UBE2E2: variants seen among roughly 807,000 people sequenced by gnomAD.
The protein encoded by UBE2E2 is ubiquitin conjugating enzyme E2 E2.
UBE2E2 carries 6 observed loss-of-function variants against 24.7 expected under a neutral mutation model. That is an observed-to-expected ratio of 0.24 (90% CI 0.13 to 0.48). The LOEUF is 0.48. UBE2E2 is among the 20% of genes least tolerant of loss of function. The pLI is 0.99. For missense variants in UBE2E2, 169 were observed against 245.0 expected, an observed-to-expected ratio of 0.69 and a Z score of 2.07; for synonymous variants, 104 against 83.6, an observed-to-expected ratio of 1.24 and a Z score of -1.33.
At chr3:23,322,157 A>G (rs932169177) in intron 3 of UBE2E2, among the ~76,000 whole-genome samples, 3 of 152,224 alleles carry the variant, frequency 2.0e-5, no homozygotes, top group African/African-American at 2.4e-5. Flanking sequence ...TTAGTAAGTT[A>G]TATAACCAAA....
intron 3 of UBE2E2, among the ~76,000 whole-genome samples, chr3:23,298,571 T>C (rs1380002862): frequency 6.6e-6 from 1 of 151,978 alleles, no homozygotes; most frequent in Non-Finnish European, 1.5e-5. Flanking sequence ...TTTGGTTCTG[T>C]TTATATGCTG....
At chr3:23,332,604 G>GA (rs1463310207) in intron 3 of UBE2E2, among the ~76,000 whole-genome samples, 1 of 151,984 alleles carries the variant, frequency 6.6e-6, no homozygotes, top group African/African-American at 2.4e-5. Flanking sequence ...AATTGTGACA[G>GA]AAAACTGGGC....
chr3:23,238,466 A>C (rs1697175843), intron 3 of UBE2E2, among the ~76,000 whole-genome samples: 2 of 152,208 alleles, frequency 1.3e-5, no homozygotes, highest in Non-Finnish European at 2.9e-5. Context: ...CTGTGGTAGC[A>C]GTTAAAAGGA....
intron 5 of UBE2E2, among the ~76,000 whole-genome samples, chr3:23,577,876 G>A (rs1434854086): frequency 6.6e-6 from 1 of 152,070 alleles, no homozygotes; most frequent in Non-Finnish European, 1.5e-5. Flanking sequence ...AAAAATCCTA[G>A]GACCCTTAAA....
chr3:23,379,234 A>T (rs1184926587), intron 3 of UBE2E2, among the ~76,000 whole-genome samples: 1 of 122,024 alleles, frequency 8.2e-6, no homozygotes, highest in African/African-American at 3.0e-5. Context: ...GTATTTATTT[A>T]TTTTTTTATT....
chr3:23,489,715 C>T (rs542418090), intron 3 of UBE2E2, among the ~76,000 whole-genome samples: 1 of 152,288 alleles, frequency 6.6e-6, no homozygotes, highest in East Asian at 1.9e-4. Context: ...GCTGTGTGGC[C>T]TCCTTCCTAA....
intron 3 of UBE2E2, among the ~76,000 whole-genome samples, chr3:23,379,888 G>T (rs1362267566): frequency 1.3e-5 from 2 of 152,072 alleles, no homozygotes; most frequent in Non-Finnish European, 2.9e-5. Context: ...GAGTAATCCT[G>T]TGCAGTGGGA....
At chr3:23,364,912 G>C (rs557987516) in intron 3 of UBE2E2, among the ~76,000 whole-genome samples, 3 of 152,210 alleles carry the variant, frequency 2.0e-5, no homozygotes, top group South Asian at 2.1e-4. Flanking sequence ...ACATCAAAAA[G>C]TTAATCCACT....
At chr3:23,315,055 C>G (rs1344936389) in intron 3 of UBE2E2, among the ~76,000 whole-genome samples, 1 of 152,222 alleles carries the variant, frequency 6.6e-6, no homozygotes, top group Non-Finnish European at 1.5e-5. Context: ...CTACCTCTCT[C>G]TCTTTACCTC....
At chr3:23,370,615 T>C (rs1696376954) in intron 3 of UBE2E2, among the ~76,000 whole-genome samples, 1 of 152,208 alleles carries the variant, frequency 6.6e-6, no homozygotes, top group African/African-American at 2.4e-5. Context: ...GAAGAATGGA[T>C]GAATGTTATC....
chr3:23,344,654 A>C (rs572199365), intron 3 of UBE2E2, among the ~76,000 whole-genome samples: 28 of 151,862 alleles, frequency 1.8e-4, no homozygotes, highest in Non-Finnish European at 3.2e-4. Flanking sequence ...AGGAGATTGA[A>C]ACTAGCCTGG....
Position 23,419,427 on chromosome 3 carries a change from T to C in UBE2E2, c.228-80181T>C, listed in dbSNP as rs1056033296. Among the ~76,000 whole-genome samples the C allele has an allele frequency of 3.3e-5, 5 of 152,212 alleles. No homozygotes were observed. The East Asian group carries it at 9.6e-4, about 29-fold the overall frequency. On this transcript the variant is annotated intron_variant, in intron 3 of 5. Coordinates refer to ENST00000396703, the MANE Select transcript of UBE2E2 (RefSeq NM_152653.4). ...CCTATACAGTGATGAGTTGTCAACATGTAGTACACTTTCTTTACCAGATCT... is the reference window on the plus strand; with the variant it reads ...CCTATACAGTGATGAGTTGTCAACACGTAGTACACTTTCTTTACCAGATCT...
chr3:23,511,120 A>G (rs1694584961), intron 4 of UBE2E2, among the ~76,000 whole-genome samples: 1 of 152,206 alleles, frequency 6.6e-6, no homozygotes, highest in South Asian at 2.1e-4. Context: ...GATTTTTTCA[A>G]CTTTGACCCA....
chr3:23,353,395 G>A (rs1357794264), intron 3 of UBE2E2, among the ~76,000 whole-genome samples: 9 of 152,160 alleles, frequency 5.9e-5, no homozygotes, highest in African/African-American at 7.2e-5. Flanking sequence ...GGGCAGTTAG[G>A]CAGGAGAAGG....
rs141194010 is a variant in UBE2E2, at chr3:23,391,956, T to C, written c.228-107652T>C. Reference sequence around the variant, plus strand: ...GATATTCCTCAGGAATATCTATTCCTCTCCAAAAATAATTGTCACAGTAAT... The same window carrying C: ...GATATTCCTCAGGAATATCTATTCCCCTCCAAAAATAATTGTCACAGTAAT... On this transcript the variant is annotated intron_variant, in intron 3 of 5. Transcript: ENST00000396703. Among the ~76,000 whole-genome samples the C allele has an allele frequency of 6.5e-4, 99 of 152,292 alleles. 5 individuals carry two copies. In the East Asian group the frequency reaches 0.016, roughly 24 times the overall value.
At chr3:23,449,653 G>A (rs1698513082) in intron 3 of UBE2E2, among the ~76,000 whole-genome samples, 1 of 152,164 alleles carries the variant, frequency 6.6e-6, no homozygotes, top group Non-Finnish European at 1.5e-5. Context: ...TGACAGTTCT[G>A]GTAATACTGC....
intron 1 of UBE2E2, among the ~76,000 whole-genome samples, chr3:23,207,535 CA>C (rs1696182935): frequency 6.6e-6 from 1 of 152,162 alleles, no homozygotes; most frequent in African/African-American, 2.4e-5. Flanking sequence ...ATCATGCAGT[CA>C]TGCAGGCCTC....
At chr3:23,266,938 C>G (rs950317174) in intron 3 of UBE2E2, among the ~76,000 whole-genome samples, 5 of 152,136 alleles carry the variant, frequency 3.3e-5, no homozygotes, top group African/African-American at 1.2e-4. Flanking sequence ...ACTGAACAAC[C>G]TGCTCCTGAA....
At chr3:23,240,234 A>G (rs574170496) in intron 3 of UBE2E2, among the ~76,000 whole-genome samples, 3 of 152,094 alleles carry the variant, frequency 2.0e-5, no homozygotes, top group East Asian at 3.9e-4. Context: ...CTTTCGCCCA[A>G]TTTTACTTGT....
Sources: gnomAD v4.1 joint callset for allele counts (sites outside exome capture counted in the v4.1 genomes callset) on GRCh38, gnomAD v4.1.1 for gene constraint, MANE v1.5 for transcripts, NCBI Gene and HGNC (gene_info 2026-07-23, HGNC 2026-07-21) for gene names.